Variants in ART3 observed in about 807,000 individuals in gnomAD.
ART3 encodes ecto-ADP-ribosyltransferase 3.
A neutral mutation model predicts 48.5 loss-of-function variants in ART3; 49 were observed. That is an observed-to-expected ratio of 1.01 (90% CI 0.80 to 1.28). The LOEUF (loss-of-function observed/expected upper bound fraction) is 1.28. ART3 is among the 50% of genes most tolerant of loss of function. The pLI is 0.00. For missense variants in ART3, 438 were observed against 454.3 expected, an observed-to-expected ratio of 0.96 and a Z score of 0.33; for synonymous variants, 145 against 157.2, an observed-to-expected ratio of 0.92 and a Z score of 0.58.
chr4:76,088,708 G>A (rs960508727), intron 3 of ART3, among the ~76,000 whole-genome samples: 1 of 152,110 alleles, frequency 6.6e-6, no homozygotes, highest in African/African-American at 2.4e-5. Context: ...AGGCCTAATA[G>A]GAAGTGACAT....
At chr4:76,048,574 C>T (rs559230136) in intron 1 of ART3, among the ~76,000 whole-genome samples, 22 of 151,860 alleles carry the variant, frequency 1.4e-4, no homozygotes, top group Middle Eastern at 3.4e-3. Flanking sequence ...GGAATAGTTG[C>T]GCTCACCGAT....
chr4:76,094,722 C>T (rs1265745583), intron 3 of ART3, among the ~76,000 whole-genome samples: 5 of 152,120 alleles, frequency 3.3e-5, no homozygotes, highest in Admixed American at 3.3e-4. Context: ...TTTCTCTGGC[C>T]TTGGGTAGTT....
At chr4:76,067,184 C>A (rs1719824776) in intron 1 of ART3, among the ~76,000 whole-genome samples, 1 of 152,214 alleles carries the variant, frequency 6.6e-6, no homozygotes, top group South Asian at 2.1e-4. Flanking sequence ...AACAAAGTAG[C>A]AGAATGAGTT....
At position 76,082,532 on chromosome 4, in the gene ART3, G is replaced by A. The variant is rs1452332138; in HGVS notation, c.778G>A (p.Gly260Ser). Residue 260 changes from glycine to serine, a missense_variant, in exon 3 of 12, where the codon GGT (glycine) becomes AGT (serine). Physicochemically the swap from Gly to Ser is moderately conservative, Grantham distance 56 (BLOSUM62 0). Around this residue, in one of 3 missense-constraint regions of ART3, gnomAD observed 227 missense variants for 229.6 expected, o/e 0.99. Transcript: ENST00000355810. The stretch of plus-strand genomic sequence containing the variant: ...CAGCCATTATGAGTGTGCATTTCTA[G>A]GTGGTAAGTGTCTGCTCTGTCTGTG... ...TCSHYECAFL[G>S]GLKTENCIEN... 6.4e-7 allele frequency: 1 copy of A among 1,569,614 alleles called. No homozygotes were observed. Among genetic ancestry groups the A allele is most frequent in the East Asian group, 2.2e-5 (1 of 44,494 alleles).
At chr4:76,043,177 T>C (rs1473228352) in intron 1 of ART3, among the ~76,000 whole-genome samples, 1 of 152,016 alleles carries the variant, frequency 6.6e-6, no homozygotes, top group Non-Finnish European at 1.5e-5. Flanking sequence ...ATCCCTGAGC[T>C]AGACATAAAG....
At chr4:76,027,482 G>T (rs1026650563) in intron 1 of ART3, among the ~76,000 whole-genome samples, 2 of 151,404 alleles carry the variant, frequency 1.3e-5, no homozygotes, top group Admixed American at 1.3e-4. Context: ...TCAAAAAATG[G>T]TAAAGGGGGA....
intron 1 of ART3, chr4:76,057,868 GCTTTT>G (rs1172712974): frequency 6.6e-6 from 1 of 152,168 alleles, no homozygotes; most frequent in Non-Finnish European, 1.5e-5. Flanking sequence ...AAGTTTTTTG[GCTTTT>G]CTTTTAATCC....
At chr4:76,095,359 T>C (rs1053381343) in intron 3 of ART3, among the ~76,000 whole-genome samples, 2 of 151,888 alleles carry the variant, frequency 1.3e-5, no homozygotes, top group African/African-American at 2.4e-5. Context: ...AATACAAAAA[T>C]TAGCTGGATG....
intron 1 of ART3, among the ~76,000 whole-genome samples, chr4:76,050,669 C>T (rs925195100): frequency 1.1e-4 from 17 of 152,210 alleles, no homozygotes; most frequent in Admixed American, 1.0e-3. Flanking sequence ...CTCCTCAGCC[C>T]TTGGGTGGTC....
chr4:76,081,716 A>T, intron 2 of ART3, 108 bp from the exon 3 acceptor site: 1 of 1,173,138 alleles, frequency 8.5e-7, no homozygotes, highest in Non-Finnish European at 1.2e-6. Context: ...GTTATAAGTC[A>T]GGCGAGAATT....
chr4:76,034,560 C>T, intron 1 of ART3: 1 of 570,024 alleles, frequency 1.8e-6, no homozygotes, highest in Admixed American at 3.7e-5. Context: ...TTGTTGGACT[C>T]CTTTGGGCAG....
At chr4:76,039,649 T>C (rs890766031) in intron 1 of ART3, among the ~76,000 whole-genome samples, 7 of 152,238 alleles carry the variant, frequency 4.6e-5, no homozygotes, top group African/African-American at 1.7e-4. Context: ...TCAAATAATA[T>C]AGACAAACAA....
intron 5 of ART3, 127 bp downstream of exon 5, chr4:76,099,114 C>A (rs1161190692): frequency 1.2e-6 from 1 of 817,900 alleles, no homozygotes; most frequent in Non-Finnish European, 2.1e-6. Flanking sequence ...CCAGCCTGGG[C>A]AACATGGCGG....
intron 8 of ART3, 133 bp downstream of exon 8, chr4:76,101,152 A>G (rs1578585408): frequency 9.7e-6 from 10 of 1,033,996 alleles, no homozygotes; most frequent in East Asian, 4.8e-5. Context: ...CTGGTTTGGT[A>G]TATTAGAGAC....
intron 1 of ART3, among the ~76,000 whole-genome samples, chr4:76,025,358 A>T (rs916674736): frequency 2.0e-5 from 3 of 152,232 alleles, no homozygotes; most frequent in African/African-American, 7.2e-5. Context: ...GTTTTATTTT[A>T]GTTGGTATCT....
At chr4:76,012,031 T>G (rs1731849123) in intron 1 of ART3, 2 of 152,186 alleles carry the variant, frequency 1.3e-5, no homozygotes, top group Admixed American at 6.5e-5. Flanking sequence ...TACCAATTCC[T>G]TTTTGGACAA....
At chr4:76,105,418 T>G in intron 10 of ART3, 106 of 1,069,582 alleles carry the variant, frequency 9.9e-5, no homozygotes, top group Middle Eastern at 3.7e-4. Flanking sequence ...GCAGGACTGA[T>G]GAGATAAAGT....
chr4:76,043,243 C>G (rs972468556), intron 1 of ART3, among the ~76,000 whole-genome samples: 2 of 152,096 alleles, frequency 1.3e-5, no homozygotes. Context: ...CAGTGGATCC[C>G]GCACCAGGGC....
chr4:76,100,357 G>T (rs759962257), intron 6 of ART3, 37 bp downstream of exon 6: 3 of 1,572,584 alleles, frequency 1.9e-6, no homozygotes, highest in Admixed American at 3.4e-5. Context: ...GCTTGGCCAG[G>T]CGTGGTGGCT....
Sources: gnomAD v4.1 joint callset for allele counts (sites outside exome capture counted in the v4.1 genomes callset) on GRCh38, gnomAD v4.1.1 for gene constraint, gnomAD v4.1.1 regional missense constraint, MANE v1.5 for transcripts, NCBI Gene and HGNC (gene_info 2026-07-23, HGNC 2026-07-21) for gene names.